Variants in DAB1 observed in about 807,000 individuals in gnomAD.
The protein encoded by DAB1 is disabled homolog 1.
In DAB1, 15 loss-of-function variants were observed where a neutral mutation model predicts 64.6. That is an observed-to-expected ratio of 0.23 (90% confidence interval 0.16 to 0.36). DAB1 has a LOEUF of 0.36. Among genes scored for constraint, DAB1 ranks in the 10% least tolerant of loss-of-function variants. The pLI is 1.00. For synonymous variants in DAB1, 235 were observed against 251.9 expected, an observed-to-expected ratio of 0.93 and a Z score of 0.64; for missense variants, 596 against 706.7, an observed-to-expected ratio of 0.84 and a Z score of 1.78.
intron 1 of DAB1, among the ~76,000 whole-genome samples, chr1:57,292,760 T>C (rs1273934639): frequency 6.6e-6 from 1 of 152,096 alleles, no homozygotes; most frequent in African/African-American, 2.4e-5. Flanking sequence ...GAGTACATAG[T>C]CAAGGGTTGT....
intron 4 of DAB1, among the ~76,000 whole-genome samples, chr1:57,089,660 C>A (rs759148078): frequency 2.0e-4 from 31 of 152,192 alleles, no homozygotes; most frequent in African/African-American, 7.0e-4. Flanking sequence ...CTAAGCCATG[C>A]GGGATCCGTC....
chr1:58,540,692 A>C (rs1334676382), intron 1 of DAB1, among the ~76,000 whole-genome samples: 1 of 148,806 alleles, frequency 6.7e-6, no homozygotes, highest in Non-Finnish European at 1.5e-5. Context: ...TCTAAAATGA[A>C]ATACAGAGAA....
intron 2 of DAB1, among the ~76,000 whole-genome samples, chr1:57,156,582 G>C (rs893859941): frequency 6.6e-6 from 1 of 152,016 alleles, no homozygotes; most frequent in African/African-American, 2.4e-5. Context: ...ACTTGGGGGA[G>C]GCATCTAAGG....
intron 1 of DAB1, among the ~76,000 whole-genome samples, chr1:57,350,688 G>A (rs1156912626): frequency 1.3e-5 from 2 of 152,002 alleles, no homozygotes; most frequent in Non-Finnish European, 2.9e-5. Flanking sequence ...AGAAGTAAAT[G>A]CCAATTTCCA....
intron 1 of DAB1, among the ~76,000 whole-genome samples, chr1:57,351,542 T>A (rs1034452254): frequency 6.6e-6 from 1 of 152,114 alleles, no homozygotes; most frequent in Non-Finnish European, 1.5e-5. Flanking sequence ...AGCAATTCTG[T>A]ACAGTAATTG....
intron 1 of DAB1, among the ~76,000 whole-genome samples, chr1:58,529,437 T>C (rs1024977466): frequency 6.6e-6 from 1 of 152,250 alleles, no homozygotes; most frequent in Non-Finnish European, 1.5e-5. Flanking sequence ...TATTACAGTG[T>C]TTTGGACAAA....
At chr1:58,520,760 C>A (rs1646249358) in intron 2 of DAB1, among the ~76,000 whole-genome samples, 1 of 152,040 alleles carries the variant, frequency 6.6e-6, no homozygotes, top group African/African-American at 2.4e-5. Context: ...CTAGGAAAAT[C>A]TAACAATCTA....
chr1:57,464,692 C>T lies in DAB1; in HGVS notation n.626-173526G>A, dbSNP rs1219232357. ...CCATCAAATTCAAAAGATCTCCAAGCACTTAATAAGAAATTCTTCCTGGAG... is the reference window on the plus strand; with the variant it reads ...CCATCAAATTCAAAAGATCTCCAAGTACTTAATAAGAAATTCTTCCTGGAG... On this transcript the variant is annotated intron_variant and non_coding_transcript_variant, in intron 7 of 20. Transcript: ENST00000485760. 5.9e-5 allele frequency among the ~76,000 whole-genome samples: 9 copies of T among 152,124 alleles called. 1 individual carries two copies. Among genetic ancestry groups the T allele is most frequent in the Non-Finnish European group, 1.3e-4 (9 of 68,026 alleles).
At chr1:58,452,035 C>T (rs937890271) in intron 3 of DAB1, among the ~76,000 whole-genome samples, 4 of 151,376 alleles carry the variant, frequency 2.6e-5, no homozygotes, top group Non-Finnish European at 4.4e-5. Context: ...TGGGTTCAAG[C>T]GATTCTCTTG....
chr1:57,384,944 T>A (rs1171591696), intron 1 of DAB1, among the ~76,000 whole-genome samples: 1 of 152,212 alleles, frequency 6.6e-6, no homozygotes, highest in Admixed American at 6.5e-5. Flanking sequence ...TCAGTAAGGA[T>A]GTACACGTAG....
rs1276859040 is a variant in DAB1 at position 57,984,184 on chromosome 1, A to AAAAAGAAAGAAAG, written n.388-100023_388-100022insCTTTCTTTCTTTT. Among the ~76,000 whole-genome samples, 29 of 50,656 alleles carry AAAAAGAAAGAAAG rather than the reference A, an allele frequency of 5.7e-4. 4 individuals are homozygous for AAAAAGAAAGAAAG. The South Asian group carries it at 5.7e-3, about 10-fold the overall frequency. The allele number at this position is 50,656 out of a possible 152,430, so 33.2% of individuals were successfully genotyped here. ...TTCAGGGCCCAGGACTAGCTTAAAA[A>AAAAAGAAAGAAAG]AAAGAAAGAAAGAAAGAAAGAAAGA... On this transcript the variant is annotated intron_variant and non_coding_transcript_variant, in intron 5 of 20. Coordinates refer to the DAB1 transcript ENST00000485760.
intron 1 of DAB1, among the ~76,000 whole-genome samples, chr1:57,834,717 T>A (rs928654469): frequency 2.6e-5 from 4 of 151,722 alleles, no homozygotes; most frequent in African/African-American, 9.7e-5. Context: ...CAACTAGATA[T>A]GACTATATAT....
chr1:58,317,421 T>TCA (rs1298090985), intron 4 of DAB1, among the ~76,000 whole-genome samples: 1 of 152,248 alleles, frequency 6.6e-6, no homozygotes, highest in East Asian at 1.9e-4. Flanking sequence ...GAGCCAGATC[T>TCA]CATCATGTAA....
chr1:57,893,937 T>G (rs1229888674), intron 5 of DAB1, among the ~76,000 whole-genome samples: 1 of 152,104 alleles, frequency 6.6e-6, no homozygotes, highest in Admixed American at 6.5e-5. Context: ...TTTTAACTTG[T>G]ATACAGCCTC....
In DAB1 at chr1:57,674,419, T is replaced by A. The variant is rs75151338; in HGVS notation, n.552-24754A>T. On this transcript the variant is annotated intron_variant and non_coding_transcript_variant, in intron 6 of 20. Transcript: ENST00000485760. ...CTCTTTTTCCCCACCATGAGCTTCT[T>A]TGGCAAGCACATCAGTGTTTCTTGC... Among the ~76,000 whole-genome samples, 1,263 of 152,308 alleles carry A rather than the reference T, an allele frequency of 8.3e-3. 16 individuals carry two copies. The highest frequency in any genetic ancestry group is 0.029 in the African/African-American group (1,217 of 41,556).
chr1:57,365,667 C>T (rs188518530), intron 1 of DAB1, among the ~76,000 whole-genome samples: 27 of 152,038 alleles, frequency 1.8e-4, no homozygotes, highest in Admixed American at 8.5e-4. Flanking sequence ...TGAGGTCTCT[C>T]GGACCACAAA....
At chr1:57,008,652 G>A (rs1646169652) in intron 14 of DAB1, among the ~76,000 whole-genome samples, 1 of 152,168 alleles carries the variant, frequency 6.6e-6, no homozygotes. Context: ...GGAAGTGGTG[G>A]AGCCAGATGC....
intron 7 of DAB1, among the ~76,000 whole-genome samples, chr1:57,491,258 C>T (rs1018727536): frequency 2.6e-5 from 4 of 152,060 alleles, no homozygotes; most frequent in East Asian, 1.9e-4. Flanking sequence ...GAAACCCTGT[C>T]TCTACTAAAA....
At chr1:58,188,612 G>A (rs36021606) in intron 4 of DAB1, among the ~76,000 whole-genome samples, 10,537 of 152,228 alleles carry the variant, frequency 0.069, 416 homozygotes, top group Admixed American at 0.088. Context: ...ATCACTGGAC[G>A]ATTCAGTTGT....
Sources: gnomAD v4.1 joint callset for allele counts (sites outside exome capture counted in the v4.1 genomes callset) on GRCh38, gnomAD v4.1.1 for gene constraint, MANE v1.5 for transcripts, NCBI Gene and HGNC (gene_info 2026-07-23, HGNC 2026-07-21) for gene names.